The following THSD7A variants were observed in gnomAD, a reference collection of about 807,000 sequenced individuals.
THSD7A encodes the protein thrombospondin type 1 domain containing 7A, also known as thrombospondin type-1 domain-containing protein 7A.
THSD7A carries 96 observed loss-of-function variants against 231.3 expected under a neutral mutation model. That is an observed-to-expected ratio of 0.41 (90% CI 0.35 to 0.49). The LOEUF is 0.49. THSD7A is among the 20% of genes least tolerant of loss of function. The pLI, the probability that THSD7A is intolerant of heterozygous loss-of-function variation, is 0.05. For missense variants in THSD7A, 2,290 were observed against 2,070.2 expected, an observed-to-expected ratio of 1.11 and a Z score of -2.06; for synonymous variants, 940 against 743.3, an observed-to-expected ratio of 1.26 and a Z score of -4.30.
intron 1 of THSD7A, among the ~76,000 whole-genome samples, chr7:11,805,485 G>T (rs1354739601): frequency 6.6e-6 from 1 of 151,866 alleles, no homozygotes; most frequent in Admixed American, 6.6e-5. Context: ...TATTCTAATT[G>T]CTCTTTAAAA....
At chr7:11,497,741 T>C (rs1387548323) in intron 6 of THSD7A, among the ~76,000 whole-genome samples, 1 of 152,054 alleles carries the variant, frequency 6.6e-6, no homozygotes, top group East Asian at 1.9e-4. Flanking sequence ...CAAGTAAATA[T>C]AACACCTTGC....
chr7:11,602,083 A>G (rs1271619627), intron 2 of THSD7A, among the ~76,000 whole-genome samples: 1 of 152,200 alleles, frequency 6.6e-6, no homozygotes, highest in Admixed American at 6.6e-5. Flanking sequence ...TCAAAGACAC[A>G]GGATTTGTAC....
At chr7:11,810,643 T>C (rs1482966022) in intron 1 of THSD7A, among the ~76,000 whole-genome samples, 1 of 152,092 alleles carries the variant, frequency 6.6e-6, no homozygotes, top group Non-Finnish European at 1.5e-5. Flanking sequence ...GCCAACACTT[T>C]GTCTTCACCT....
At chr7:11,490,376 G>T (rs73677719) in intron 6 of THSD7A, among the ~76,000 whole-genome samples, 4,663 of 152,100 alleles carry the variant, frequency 0.031, 234 homozygotes, top group African/African-American at 0.11. Context: ...AGTAAGCAGG[G>T]CATTAGGCAA....
intron 23 of THSD7A, among the ~76,000 whole-genome samples, chr7:11,393,778 C>G (rs1783075374): frequency 6.6e-6 from 1 of 152,000 alleles, no homozygotes; most frequent in South Asian, 2.1e-4. Flanking sequence ...GATTGAAGAT[C>G]AACTTAATGA....
chr7:11,457,919 T>C (rs1583778626), intron 11 of THSD7A, among the ~76,000 whole-genome samples: 3 of 152,142 alleles, frequency 2.0e-5, no homozygotes, highest in African/African-American at 7.2e-5. Context: ...GGCTTTGCAA[T>C]TGATAAGTTT....
intron 1 of THSD7A, among the ~76,000 whole-genome samples, chr7:11,715,575 G>C (rs998586412): frequency 6.6e-6 from 1 of 151,330 alleles, no homozygotes; most frequent in African/African-American, 2.4e-5. Flanking sequence ...CAAAGCAATA[G>C]AATTTTGATT....
intron 1 of THSD7A, among the ~76,000 whole-genome samples, chr7:11,645,736 A>G (rs1456939662): frequency 6.6e-6 from 1 of 151,850 alleles, no homozygotes; most frequent in Non-Finnish European, 1.5e-5. Context: ...TTTATATAGT[A>G]CAGTGTGTTT....
chr7:11,631,558 G>A (rs1054163615), intron 2 of THSD7A, among the ~76,000 whole-genome samples: 1 of 152,098 alleles, frequency 6.6e-6, no homozygotes, highest in Non-Finnish European at 1.5e-5. Context: ...GAGCAGAGGA[G>A]GTTGATTTTA....
rs1784983389 is a variant in THSD7A, at chr7:11,446,726, T to C, written c.2801-402A>G. ...TTTAGGTTGCTTTTGCCATTGGCAA[T>C]ATTTCAAATGCACCAAGCTTTAGTT... On this transcript the variant is annotated intron_variant, in intron 12 of 27. Transcript: ENST00000423059. This position sits in a 1 kb window ranked among gnomAD's most constrained non-coding sequence, Gnocchi z 4.0. Among the ~76,000 whole-genome samples, 1 of 152,188 alleles carries C rather than the reference T, an allele frequency of 6.6e-6. No individual in the cohort carries two copies. Among genetic ancestry groups the C allele is most frequent in the South Asian group, 2.1e-4 (1 of 4,834 alleles).
At chr7:11,432,566 G>C (rs1400941738) in intron 13 of THSD7A, among the ~76,000 whole-genome samples, 1 of 151,970 alleles carries the variant, frequency 6.6e-6, no homozygotes, top group African/African-American at 2.4e-5. Context: ...GAATCATATA[G>C]TTTATATCCA....
chr7:11,632,799 A>T lies in THSD7A; in HGVS notation c.1022+3331T>A, dbSNP rs753855501. 6.6e-6 allele frequency among the ~76,000 whole-genome samples: 1 copy of T among 152,288 alleles called. No individual in the cohort carries two copies. On this transcript the variant is annotated intron_variant, in intron 2 of 27. Coordinates refer to ENST00000423059, the MANE Select transcript of THSD7A (RefSeq NM_015204.3). This position sits in a 1 kb window ranked among gnomAD's most constrained non-coding sequence, Gnocchi z 4.1. ...TTTCAACTTCTTCTTGCAGAATATTAGTCTTGTACAATTTCGATGTGTGAA... is the reference window on the plus strand; with the variant it reads ...TTTCAACTTCTTCTTGCAGAATATTTGTCTTGTACAATTTCGATGTGTGAA...
At chr7:11,759,033 C>T (rs1045420217) in intron 1 of THSD7A, among the ~76,000 whole-genome samples, 2 of 151,878 alleles carry the variant, frequency 1.3e-5, no homozygotes, top group South Asian at 4.2e-4. Context: ...ATCCAGGGAC[C>T]TGGAGAAAGT....
intron 6 of THSD7A, among the ~76,000 whole-genome samples, chr7:11,529,698 A>G (rs1019954542): frequency 6.6e-6 from 1 of 152,290 alleles, no homozygotes; most frequent in Admixed American, 6.5e-5. Context: ...CTCTTCAGCC[A>G]TGTAGAACTA....
At chr7:11,415,952 G>A (rs1365415920) in intron 17 of THSD7A, among the ~76,000 whole-genome samples, 2 of 152,108 alleles carry the variant, frequency 1.3e-5, no homozygotes, top group African/African-American at 2.4e-5. Flanking sequence ...TTCCAACCAC[G>A]TGGCAGTGCT....
intron 13 of THSD7A, among the ~76,000 whole-genome samples, chr7:11,437,488 C>T (rs1762547505): frequency 6.6e-6 from 1 of 152,044 alleles, no homozygotes; most frequent in South Asian, 2.1e-4. Flanking sequence ...CCCTGCCTCT[C>T]TTTTACATTT....
At chr7:11,418,790 G>GA (rs1318003329) in intron 16 of THSD7A, among the ~76,000 whole-genome samples, 1 of 151,096 alleles carries the variant, frequency 6.6e-6, no homozygotes, top group Non-Finnish European at 1.5e-5. Flanking sequence ...CCTGTAGCCT[G>GA]AAAAAAATAC....
chr7:11,389,740 G>A (rs775471572), intron 23 of THSD7A, among the ~76,000 whole-genome samples: 10 of 151,984 alleles, frequency 6.6e-5, no homozygotes, highest in Admixed American at 1.3e-4. Context: ...AATTTGTTAC[G>A]TTTGTGGTAC....
intron 2 of THSD7A, among the ~76,000 whole-genome samples, chr7:11,607,553 C>A (rs540385819): frequency 1.3e-5 from 2 of 151,988 alleles, no homozygotes; most frequent in South Asian, 4.2e-4. Flanking sequence ...AAAAAAAAGA[C>A]TTTTCCACCT....
Sources: allele counts gnomAD v4.1 joint callset (sites outside exome capture counted in the v4.1 genomes callset), GRCh38; gene constraint gnomAD v4.1.1; non-coding constraint Gnocchi (gnomAD v3.1); transcripts MANE v1.5; gene names NCBI Gene and HGNC (gene_info 2026-07-23, HGNC 2026-07-21).